FCHSD2: variants seen among roughly 807,000 people sequenced by gnomAD.
FCHSD2 encodes F-BAR and double SH3 domains protein 2.
In FCHSD2, 38 loss-of-function variants were observed where a neutral mutation model predicts 108.1. The observed-to-expected ratio is 0.35, with a 90% confidence interval of 0.27 to 0.46. The LOEUF is 0.46. FCHSD2 is among the 20% of genes least tolerant of loss of function. The probability of loss-of-function intolerance (pLI) is 1.00; values close to 1 mark genes in which losing one functional copy is unlikely to be tolerated. For synonymous variants in FCHSD2, 279 were observed against 314.7 expected (o/e 0.89, Z 1.20); for missense variants, 751 against 897.8 (o/e 0.84, Z 2.09).
At chr11:73,022,619 C>T (rs745404124) in intron 3 of FCHSD2, among the ~76,000 whole-genome samples, 4 of 152,114 alleles carry the variant, frequency 2.6e-5, no homozygotes, top group African/African-American at 2.4e-5. Flanking sequence ...AGAGACATTC[C>T]ATGTTAATGA....
chr11:73,068,260 T>C (rs1049169405), intron 3 of FCHSD2, among the ~76,000 whole-genome samples: 1 of 150,666 alleles, frequency 6.6e-6, no homozygotes, highest in African/African-American at 2.4e-5. Context: ...ATGTTCTCGC[T>C]TGTGAGTGGG....
At chr11:72,978,854 C>CG (rs1857158901) in intron 8 of FCHSD2, among the ~76,000 whole-genome samples, 1 of 110,858 alleles carries the variant, frequency 9.0e-6, no homozygotes, top group Non-Finnish European at 1.8e-5. Flanking sequence ...GTAGCTCTTT[C>CG]TTTTTTTTTT....
intron 14 of FCHSD2, among the ~76,000 whole-genome samples, chr11:72,845,873 T>A (rs1861119928): frequency 6.6e-6 from 1 of 152,172 alleles, no homozygotes; most frequent in Admixed American, 6.5e-5. Context: ...TCTTTTTTCG[T>A]ACTAGAATAT....
chr11:73,043,134 T>G (rs1858681515), intron 3 of FCHSD2, among the ~76,000 whole-genome samples: 1 of 152,190 alleles, frequency 6.6e-6, no homozygotes. Context: ...TTACTCCACT[T>G]CTTAAAGGAA....
chr11:73,052,574 T>C (rs1401432215), intron 3 of FCHSD2, among the ~76,000 whole-genome samples: 1 of 152,156 alleles, frequency 6.6e-6, no homozygotes, highest in African/African-American at 2.4e-5. Context: ...TGAAGTTCCA[T>C]GGTTGTCAAG....
chr11:72,979,228 T>C (rs1175481549), intron 8 of FCHSD2, among the ~76,000 whole-genome samples: 1 of 152,038 alleles, frequency 6.6e-6, no homozygotes, highest in Admixed American at 6.6e-5. Context: ...GGTAAGGATG[T>C]GGAGAAAACA....
At chr11:73,095,646 G>A (rs117984489) in intron 2 of FCHSD2, among the ~76,000 whole-genome samples, 155 of 152,314 alleles carry the variant, frequency 1.0e-3, no homozygotes, top group Non-Finnish European at 1.8e-3. Flanking sequence ...AAAACTCAAA[G>A]CGGGAGTACC....
rs186768935 is a variant in FCHSD2, at chr11:73,092,453, C to T, written c.120-8713G>A. On this transcript the variant is annotated intron_variant, in intron 2 of 19. Coordinates refer to ENST00000409418, the MANE Select transcript of FCHSD2 (RefSeq NM_014824.3). Reference sequence around the variant, plus strand: ...CCATACCTGGCCCGGCATCTTCTAACATAGCATCTGCTTTAAGTATTGTGA... The same window carrying T: ...CCATACCTGGCCCGGCATCTTCTAATATAGCATCTGCTTTAAGTATTGTGA... Among the ~76,000 whole-genome samples, 5 of 152,124 alleles carry T rather than the reference C, an allele frequency of 3.3e-5. No homozygotes were observed. In the East Asian group the frequency reaches 7.7e-4, roughly 24 times the overall value.
At chr11:72,900,425 G>A (rs1322568397) in intron 10 of FCHSD2, 2 of 768,452 alleles carry the variant, frequency 2.6e-6, no homozygotes, top group Non-Finnish European at 4.3e-6. Context: ...TTAGCACAGT[G>A]TTTAGAAACA....
Position 72,842,604 on chromosome 11 carries a change from T to C in FCHSD2, c.1926+17A>G, listed in dbSNP as rs1457617747. On this transcript the variant is annotated intron_variant, in intron 17 of 19. Coordinates refer to ENST00000409418, the MANE Select transcript of FCHSD2 (RefSeq NM_014824.3). ...CTTTAAACATCTTTTAATTCAACTG[T>C]CTCCCCTCTCAGGTACCTGAATCTC... 1 of 1,613,790 alleles carries C rather than the reference T, an allele frequency of 6.2e-7. No homozygotes were observed.
chr11:72,883,935 A>C (rs112202410), intron 12 of FCHSD2, among the ~76,000 whole-genome samples: 1 of 151,810 alleles, frequency 6.6e-6, no homozygotes, highest in Admixed American at 6.6e-5. Context: ...GTGTCTCAAA[A>C]AAAAAAAAAA....
chr11:72,925,664 C>G (rs1405869200), intron 8 of FCHSD2, among the ~76,000 whole-genome samples: 1 of 152,142 alleles, frequency 6.6e-6, no homozygotes, highest in Non-Finnish European at 1.5e-5. Context: ...CGCACGTATC[C>G]CAGGGTCCAC....
chr11:73,009,371 C>T (rs1255594438), intron 4 of FCHSD2, among the ~76,000 whole-genome samples: 1 of 152,038 alleles, frequency 6.6e-6, no homozygotes, highest in African/African-American at 2.4e-5. Context: ...GTGGCGTACA[C>T]CTGTAATCCC....
In FCHSD2 at chr11:72,890,577, A is replaced by C. The variant is rs1419917432; in HGVS notation, c.925-632T>G. On this transcript the variant is annotated intron_variant, in intron 10 of 19. Transcript: ENST00000409418. Reference sequence around the variant, plus strand: ...TTTCTTCTAGCTCTAAAATGCTATGATTCTGATTTACAAAGAACAAACCAC... The same window carrying C: ...TTTCTTCTAGCTCTAAAATGCTATGCTTCTGATTTACAAAGAACAAACCAC... Among the ~76,000 whole-genome samples, 3 of 152,186 alleles carry C rather than the reference A, an allele frequency of 2.0e-5. No homozygotes were observed. The East Asian group carries it at 5.8e-4, about 29-fold the overall frequency.
chr11:72,859,865 T>C (rs1239756650), intron 13 of FCHSD2, among the ~76,000 whole-genome samples: 2 of 152,162 alleles, frequency 1.3e-5, no homozygotes, highest in Non-Finnish European at 1.5e-5. Flanking sequence ...AAAAACTTCA[T>C]AAGGCACAGG....
At chr11:72,907,676 C>G (rs933418107) in intron 9 of FCHSD2, among the ~76,000 whole-genome samples, 8 of 144,734 alleles carry the variant, frequency 5.5e-5, no homozygotes, top group African/African-American at 2.0e-4. Flanking sequence ...CTGCAACCTC[C>G]ACCTCCCAGG....
chr11:72,840,546 C>T (rs1462240494), intron 19 of FCHSD2, among the ~76,000 whole-genome samples: 1 of 152,146 alleles, frequency 6.6e-6, no homozygotes, highest in Non-Finnish European at 1.5e-5. Context: ...AAATAGAGGC[C>T]TGGAAAATTA....
At chr11:73,117,259 A>T (rs1309615140) in intron 2 of FCHSD2, among the ~76,000 whole-genome samples, 3 of 152,242 alleles carry the variant, frequency 2.0e-5, no homozygotes, top group Non-Finnish European at 4.4e-5. Context: ...CTAAGAAGAC[A>T]CAGACGGGTT....
intron 3 of FCHSD2, among the ~76,000 whole-genome samples, chr11:73,058,743 T>C (rs1373268460): frequency 6.6e-6 from 1 of 151,860 alleles, no homozygotes; most frequent in Non-Finnish European, 1.5e-5. Flanking sequence ...AATTTTTGAA[T>C]TTTTAGTCGA....
Sources: gnomAD v4.1 joint callset for allele counts (sites outside exome capture counted in the v4.1 genomes callset) on GRCh38, gnomAD v4.1.1 for gene constraint, MANE v1.5 for transcripts, NCBI Gene and HGNC (gene_info 2026-07-23, HGNC 2026-07-21) for gene names.